GABRA3: variants seen among roughly 807,000 people sequenced by gnomAD.
The protein encoded by GABRA3 is gamma-aminobutyric acid receptor subunit alpha-3.
In GABRA3, 10 loss-of-function variants were observed where a neutral mutation model predicts 30.1. The ratio of observed to expected loss-of-function variants is 0.33; its 90% confidence interval spans 0.20 to 0.56. The LOEUF (loss-of-function observed/expected upper bound fraction) is 0.56, where lower values mean the gene tolerates loss of function less well. Ranked by LOEUF, GABRA3 falls within the 20% of genes least tolerant of loss-of-function variation. The pLI is 0.89. For synonymous variants in GABRA3, 151 were observed against 146.8 expected (o/e 1.03, Z -0.21); for missense variants, 233 against 392.0 (o/e 0.59, Z 3.42).
At chrX:152,421,191 C>T (rs2124538284) in intron 1 of GABRA3, among the ~76,000 whole-genome samples, 1 of 110,301 alleles carries the variant, frequency 9.1e-6, no homozygotes, top group Admixed American at 9.8e-5. Flanking sequence ...AGTAAGTCCT[C>T]ACCTTAATGT....
intron 1 of GABRA3, among the ~76,000 whole-genome samples, chrX:152,390,693 T>A (rs1929454596): frequency 9.0e-6 from 1 of 111,372 alleles, no homozygotes; most frequent in African/African-American, 3.3e-5. Context: ...ACCAAGATAA[T>A]CCCAGAACAT....
At chrX:152,226,206 G>A (rs1156831830) in intron 5 of GABRA3, among the ~76,000 whole-genome samples, 1 of 111,448 alleles carries the variant, frequency 9.0e-6, no homozygotes, top group Non-Finnish European at 1.9e-5. Context: ...AATATCCGCA[G>A]GCTATTGCTG....
Position 152,295,024 on chromosome X carries a change from T to C in GABRA3, c.263-10289A>G, listed in dbSNP as rs1939500633. On this transcript the variant is annotated intron_variant, in intron 3 of 9. Transcript: ENST00000370314. ...AGTGGAGGCTGCAGAACAGCAAATA[T>C]TGCAGAACAGCGAATATTGCTGCCT... Among the ~76,000 whole-genome samples the C allele has an allele frequency of 2.7e-5, 3 of 111,267 alleles. No individual in the cohort carries two copies. The South Asian group carries it at 1.1e-3, about 42-fold the overall frequency.
At chrX:152,172,511 T>C (rs1937015973) in intron 9 of GABRA3, among the ~76,000 whole-genome samples, 1 of 111,740 alleles carries the variant, frequency 8.9e-6, no homozygotes, top group South Asian at 3.8e-4. Flanking sequence ...CACACCTTCA[T>C]TATTCCCAAT....
At chrX:152,256,851 G>C (rs1418105000) in intron 4 of GABRA3, among the ~76,000 whole-genome samples, 1 of 111,756 alleles carries the variant, frequency 8.9e-6, no homozygotes, top group Non-Finnish European at 1.9e-5. Flanking sequence ...TTAGAATTGT[G>C]AGTTTGTGAT....
intron 1 of GABRA3, among the ~76,000 whole-genome samples, chrX:152,414,848 C>T (rs1930165796): frequency 1.9e-5 from 1 of 51,976 alleles, no homozygotes; most frequent in South Asian, 1.3e-3. Context: ...AATGAGCTAT[C>T]GAACCACCAA....
chrX:152,383,387 T>TAAA (rs1929199242), intron 1 of GABRA3, among the ~76,000 whole-genome samples: 1 of 7,076 alleles, frequency 1.4e-4, no homozygotes, highest in African/African-American at 3.0e-4. Context: ...AGACTCCATC[T>TAAA]CAAAAAAAAA....
At chrX:152,184,574 G>A (rs1397055136) in intron 9 of GABRA3, among the ~76,000 whole-genome samples, 3 of 111,412 alleles carry the variant, frequency 2.7e-5, no homozygotes, top group African/African-American at 9.8e-5. Context: ...TCTGGAGTCT[G>A]GAGTACTCTG....
intron 6 of GABRA3, among the ~76,000 whole-genome samples, chrX:152,222,851 G>A (rs1260210597): frequency 9.3e-6 from 1 of 108,030 alleles, no homozygotes; most frequent in South Asian, 4.0e-4. Context: ...TAAACTAGTA[G>A]TCTAGCATGT....
rs188864099 is a variant in GABRA3 at position 152,252,205 on chromosome X, C to T, written c.551+3573G>A. On this transcript the variant is annotated intron_variant, in intron 5 of 9. Transcript: ENST00000370314. The stretch of plus-strand genomic sequence containing the variant: ...TATGTGCACTATCTCCCCACTCCAA[C>T]TCCTAAAACTCTCCATTGCACTAGC... Among the ~76,000 whole-genome samples the T allele has an allele frequency of 6.5e-3, 722 of 111,599 alleles. 4 individuals are homozygous for T. The highest frequency in any genetic ancestry group is 0.028 in the Middle Eastern group (6 of 217).
At chrX:152,199,813 C>T (rs1937455698) in intron 7 of GABRA3, among the ~76,000 whole-genome samples, 1 of 108,701 alleles carries the variant, frequency 9.2e-6, no homozygotes, top group Admixed American at 9.9e-5. Flanking sequence ...ACTTGCTCTC[C>T]TTCCCTCCCT....
intron 3 of GABRA3, 92 bp downstream of exon 3, chrX:152,345,489 T>C (rs759249362): frequency 4.1e-6 from 4 of 969,044 alleles, no homozygotes; most frequent in East Asian, 3.2e-5. Flanking sequence ...CATTGGCCAA[T>C]AGACTACTGA....
intron 4 of GABRA3, among the ~76,000 whole-genome samples, chrX:152,270,261 C>G (rs182296887): frequency 4.5e-5 from 5 of 111,214 alleles, no homozygotes; most frequent in Admixed American, 2.9e-4. Flanking sequence ...GCTTTCCCCC[C>G]CTTTACTTGA....
At chrX:152,344,813 A>G (rs1292876323) in intron 3 of GABRA3, among the ~76,000 whole-genome samples, 1 of 111,751 alleles carries the variant, frequency 8.9e-6, no homozygotes, top group Non-Finnish European at 1.9e-5. Flanking sequence ...CAGACACAAC[A>G]ATAAATGTAA....
At chrX:152,203,129 C>G (rs919589237) in intron 7 of GABRA3, among the ~76,000 whole-genome samples, 1 of 111,538 alleles carries the variant, frequency 9.0e-6, no homozygotes, top group Non-Finnish European at 1.9e-5. Flanking sequence ...GCTGCAGGGA[C>G]AAAGGGAGAG....
In GABRA3 at chrX:152,321,023, C is replaced by G. The variant is rs1290491213; in HGVS notation, c.262+24558G>C. Among the ~76,000 whole-genome samples, 3 of 112,023 alleles carry G rather than the reference C, an allele frequency of 2.7e-5. No homozygotes were observed. The East Asian group carries it at 8.4e-4, about 31-fold the overall frequency. ...GTCCCATTTGTTTACCCTTTGAATACCTGGTAATCTATTTGATCACAAATT... is the reference window on the plus strand; with the variant it reads ...GTCCCATTTGTTTACCCTTTGAATAGCTGGTAATCTATTTGATCACAAATT... On this transcript the variant is annotated intron_variant, in intron 3 of 9. Coordinates refer to ENST00000370314, the MANE Select transcript of GABRA3 (RefSeq NM_000808.4).
At chrX:152,412,212 T>C (rs1930091063) in intron 1 of GABRA3, among the ~76,000 whole-genome samples, 1 of 111,976 alleles carries the variant, frequency 8.9e-6, no homozygotes, top group Non-Finnish European at 1.9e-5. Context: ...CCCTTATATA[T>C]TGCTGATGAG....
At chrX:152,419,243 T>C (rs1349389786) in intron 1 of GABRA3, among the ~76,000 whole-genome samples, 2 of 111,080 alleles carry the variant, frequency 1.8e-5, no homozygotes, top group Admixed American at 1.9e-4. Flanking sequence ...TACACATATG[T>C]AACAAACCTG....
intron 1 of GABRA3, among the ~76,000 whole-genome samples, chrX:152,416,085 C>T (rs1602717640): frequency 9.4e-6 from 1 of 106,408 alleles, no homozygotes; most frequent in South Asian, 4.3e-4. Flanking sequence ...TCAAATTGTC[C>T]CTGTTTGCAG....
Sources: allele counts gnomAD v4.1 joint callset (sites outside exome capture counted in the v4.1 genomes callset), GRCh38; gene constraint gnomAD v4.1.1; transcripts MANE v1.5; gene names NCBI Gene and HGNC (gene_info 2026-07-23, HGNC 2026-07-21).